TMEM266: variants seen among roughly 807,000 people sequenced by gnomAD.
TMEM266 encodes the protein transmembrane protein 266.
In TMEM266, 33 loss-of-function variants were observed where a neutral mutation model predicts 50.5. That is an observed-to-expected ratio of 0.65 (90% CI 0.50 to 0.87). TMEM266 has a LOEUF of 0.87. TMEM266 is among the 40% of genes least tolerant of loss of function. TMEM266 has a pLI of 0.00. For missense variants in TMEM266, 655 were observed against 695.1 expected, an observed-to-expected ratio of 0.94 and a Z score of 0.65; for synonymous variants, 310 against 292.3, an observed-to-expected ratio of 1.06 and a Z score of -0.62.
intron 3 of TMEM266, among the ~76,000 whole-genome samples, chr15:76,146,572 G>A (rs2037760303): frequency 6.6e-6 from 1 of 151,986 alleles, no homozygotes; most frequent in Admixed American, 6.6e-5. Flanking sequence ...ACATAATGGG[G>A]GCACAGGGAT....
At chr15:76,173,866 G>A (rs2038225258) in intron 7 of TMEM266, among the ~76,000 whole-genome samples, 1 of 151,928 alleles carries the variant, frequency 6.6e-6, no homozygotes, top group Non-Finnish European at 1.5e-5. Flanking sequence ...CCAGGAGGTA[G>A]GGGTTGCAGT....
intron 4 of TMEM266, among the ~76,000 whole-genome samples, chr15:76,158,457 G>A (rs549963863): frequency 5.3e-5 from 8 of 152,148 alleles, no homozygotes; most frequent in Middle Eastern, 3.4e-3. Context: ...TTCTTTCCCC[G>A]TGGCGGATTG....
chr15:76,191,937 C>CTGAT, intron 8 of TMEM266, 31 bp from the exon 9 acceptor site: 1 of 1,543,180 alleles, frequency 6.5e-7, no homozygotes, highest in Non-Finnish European at 8.7e-7. Context: ...CCCCTCGCCG[C>CTGAT]TGATTCAGCC....
chr15:76,175,796 T>TCCAACAAGGGGC, intron 8 of TMEM266, 122 bp downstream of exon 8: 1 of 730,212 alleles, frequency 1.4e-6, no homozygotes, highest in Non-Finnish European at 2.3e-6. Flanking sequence ...CAGCCCCTTG[T>TCCAACAAGGGGC]TGGACTCATG....
chr15:76,097,256 T>TCTG (rs1163328049), intron 1 of TMEM266, among the ~76,000 whole-genome samples: 1 of 152,068 alleles, frequency 6.6e-6, no homozygotes, highest in African/African-American at 2.4e-5. Flanking sequence ...TGGTACTGGT[T>TCTG]GTTCCTTTCC....
At chr15:76,071,175 G>A (rs1035207539) in intron 1 of TMEM266, among the ~76,000 whole-genome samples, 4 of 152,154 alleles carry the variant, frequency 2.6e-5, no homozygotes, top group Admixed American at 2.0e-4. Flanking sequence ...TCCTCTTTGT[G>A]TAGTGCCAAG....
chr15:76,163,316 G>A (rs181084135), intron 5 of TMEM266, among the ~76,000 whole-genome samples: 13 of 152,330 alleles, frequency 8.5e-5, no homozygotes, highest in East Asian at 3.9e-4. Context: ...TTTGGGCTCC[G>A]TTTGAGGACA....
chr15:76,102,183 C>T (rs1201421229), intron 1 of TMEM266, among the ~76,000 whole-genome samples: 1 of 152,188 alleles, frequency 6.6e-6, no homozygotes, highest in Non-Finnish European at 1.5e-5. Flanking sequence ...TCACTTATAC[C>T]TCATTCATTT....
rs533830052 is a variant in TMEM266, at chr15:76,182,131, G to A, written c.768+6457G>A. Among the ~76,000 whole-genome samples the A allele has an allele frequency of 3.9e-5, 6 of 152,232 alleles. No homozygotes were observed. In the South Asian group the frequency reaches 8.3e-4, roughly 21 times the overall value. On this transcript the variant is annotated intron_variant, in intron 8 of 10. Coordinates refer to ENST00000388942, the MANE Select transcript of TMEM266 (RefSeq NM_152335.3). ...CCTTGGGAAAGGTGAGTCCCTTGTC[G>A]GGGAGCTTGGAGGAGTGGAAAGAAT...
intron 1 of TMEM266, among the ~76,000 whole-genome samples, chr15:76,088,757 A>G (rs2036808339): frequency 6.6e-6 from 1 of 151,754 alleles, no homozygotes; most frequent in Non-Finnish European, 1.5e-5. Context: ...AGATCACGCC[A>G]CTGCACTCCA....
intron 8 of TMEM266, among the ~76,000 whole-genome samples, chr15:76,185,260 T>TG (rs1323552708): frequency 2.6e-5 from 4 of 152,258 alleles, no homozygotes; most frequent in Non-Finnish European, 5.9e-5. Flanking sequence ...TGAGGCCATT[T>TG]GATTATGTCT....
intron 1 of TMEM266, among the ~76,000 whole-genome samples, chr15:76,120,582 G>A (rs553238893): frequency 2.2e-3 from 336 of 151,910 alleles, no homozygotes; most frequent in African/African-American, 7.5e-3. Context: ...GCAACATGGC[G>A]AAACCCCATC....
At chr15:76,064,263 A>G (rs969523854) in intron 1 of TMEM266, among the ~76,000 whole-genome samples, 4 of 152,164 alleles carry the variant, frequency 2.6e-5, no homozygotes, top group African/African-American at 4.8e-5. Context: ...AACATTAAAT[A>G]CCTGTTGGTG....
chr15:76,088,375 C>T (rs569415689), intron 1 of TMEM266, among the ~76,000 whole-genome samples: 1 of 152,278 alleles, frequency 6.6e-6, no homozygotes, highest in African/African-American at 2.4e-5. Flanking sequence ...AAGCATCAGC[C>T]AGGCATAGTG....
intron 3 of TMEM266, among the ~76,000 whole-genome samples, chr15:76,138,222 C>CAAA (rs376580547): frequency 1.7e-4 from 12 of 71,872 alleles, no homozygotes; most frequent in Non-Finnish European, 2.2e-4. Context: ...AACTCTGTCT[C>CAAA]AAAAAAAAAA....
intron 3 of TMEM266, among the ~76,000 whole-genome samples, chr15:76,147,960 C>A (rs1225365095): frequency 6.6e-6 from 1 of 152,192 alleles, no homozygotes; most frequent in Non-Finnish European, 1.5e-5. Flanking sequence ...CAGAGTGAGA[C>A]CCTGTATAAA....
Position 76,189,730 on chromosome 15 carries a change from G to A in TMEM266, c.769-2238G>A, listed in dbSNP as rs1457871909. ...GCTCCCCCACCCTGCAAGAGTCAAG[G>A]GGTTTGTCCTTGGGAGAAAATGAAC... On this transcript the variant is annotated intron_variant, in intron 8 of 10. Transcript: ENST00000388942. Among the ~76,000 whole-genome samples the A allele has an allele frequency of 3.3e-5, 5 of 152,230 alleles. No individual in the cohort carries two copies. In the East Asian group the frequency reaches 9.6e-4, roughly 29 times the overall value.
At chr15:76,087,953 C>A (rs2036797668) in intron 1 of TMEM266, among the ~76,000 whole-genome samples, 1 of 152,200 alleles carries the variant, frequency 6.6e-6, no homozygotes, top group Non-Finnish European at 1.5e-5. Flanking sequence ...GTCTCCAGAT[C>A]CAGTGATCTA....
chr15:76,186,150 C>T (rs933582137), intron 8 of TMEM266, among the ~76,000 whole-genome samples: 6 of 152,166 alleles, frequency 3.9e-5, no homozygotes, highest in African/African-American at 1.4e-4. Flanking sequence ...AAGCCAGGGG[C>T]GTGGGCTGTG....
Sources: gnomAD v4.1 joint callset for allele counts (sites outside exome capture counted in the v4.1 genomes callset) on GRCh38, gnomAD v4.1.1 for gene constraint, MANE v1.5 for transcripts, NCBI Gene and HGNC (gene_info 2026-07-23, HGNC 2026-07-21) for gene names.